CALN1: variants seen among roughly 807,000 people sequenced by gnomAD.
The protein encoded by CALN1 is calneuron 1, also known as calcium-binding protein 8.
A neutral mutation model predicts 30.6 loss-of-function variants in CALN1; 17 were observed. The observed-to-expected ratio is 0.56, with a 90% confidence interval of 0.38 to 0.83. CALN1 has a LOEUF of 0.83. Ranked by LOEUF, CALN1 falls within the 40% of genes least tolerant of loss-of-function variation. The pLI is 0.00. For synonymous variants in CALN1, 156 were observed against 131.4 expected (o/e 1.19, Z -1.28); for missense variants, 291 against 354.9 (o/e 0.82, Z 1.45).
At chr7:72,242,179 T>A (rs1794884405) in intron 3 of CALN1, among the ~76,000 whole-genome samples, 1 of 152,184 alleles carries the variant, frequency 6.6e-6, no homozygotes, top group Non-Finnish European at 1.5e-5. Context: ...ATCTTCAAGG[T>A]GCACCCATGC....
chr7:72,476,595 C>A, the CALN1 span, among the ~76,000 whole-genome samples: 1 of 152,204 alleles, frequency 6.6e-6, no homozygotes, highest in African/African-American at 2.4e-5. Context: ...ATACCCACAT[C>A]ATATCTCAAC....
intron 6 of CALN1, among the ~76,000 whole-genome samples, chr7:71,808,793 G>A (rs376755598): frequency 6.6e-6 from 1 of 152,132 alleles, no homozygotes; most frequent in South Asian, 2.1e-4. Context: ...GAGCGCTTGA[G>A]CCCCATGTGC....
At chr7:72,092,024 G>C (rs1563050305) in intron 4 of CALN1, among the ~76,000 whole-genome samples, 2 of 152,148 alleles carry the variant, frequency 1.3e-5, no homozygotes, top group Middle Eastern at 3.4e-3. Context: ...AGATATTCAA[G>C]TGCATTAATA....
chr7:72,154,650 G>A (rs1482111538), intron 3 of CALN1, among the ~76,000 whole-genome samples: 2 of 152,116 alleles, frequency 1.3e-5, no homozygotes, highest in African/African-American at 4.8e-5. Flanking sequence ...AAACTCAGAT[G>A]TTGAAGTCCT....
chr7:71,915,082 A>T (rs996985889), intron 5 of CALN1, among the ~76,000 whole-genome samples: 1 of 152,174 alleles, frequency 6.6e-6, no homozygotes, highest in Non-Finnish European at 1.5e-5. Flanking sequence ...TCACAAAGGG[A>T]TTAGTCTCTC....
At chr7:72,022,858 C>T (rs1800782134) in intron 5 of CALN1, among the ~76,000 whole-genome samples, 1 of 150,006 alleles carries the variant, frequency 6.7e-6, no homozygotes, top group African/African-American at 2.5e-5. Flanking sequence ...AACTGCAACC[C>T]TTATCTAGGT....
chr7:72,175,691 T>C (rs1251635412), intron 3 of CALN1, among the ~76,000 whole-genome samples: 2 of 152,218 alleles, frequency 1.3e-5, no homozygotes, highest in African/African-American at 4.8e-5. Context: ...ACCAGGGCTT[T>C]GGAGGAACTT....
intron 5 of CALN1, among the ~76,000 whole-genome samples, chr7:71,905,685 A>C (rs1794095443): frequency 6.6e-6 from 1 of 152,088 alleles, no homozygotes; most frequent in Admixed American, 6.5e-5. Flanking sequence ...CATGTCAGTA[A>C]AATGTTTAGG....
intron 2 of CALN1, among the ~76,000 whole-genome samples, chr7:72,294,977 C>A (rs1798753806): frequency 6.6e-6 from 1 of 152,040 alleles, no homozygotes; most frequent in African/African-American, 2.4e-5. Flanking sequence ...GACCACAGAG[C>A]AAACTTCAGC....
At chr7:72,260,243 A>T (rs1184257743) in intron 3 of CALN1, among the ~76,000 whole-genome samples, 1 of 152,218 alleles carries the variant, frequency 6.6e-6, no homozygotes, top group Non-Finnish European at 1.5e-5. Flanking sequence ...CTGTGCAGTG[A>T]TAAGAATAAG....
At chr7:72,238,343 C>CT (rs1350462702) in intron 3 of CALN1, among the ~76,000 whole-genome samples, 2 of 152,090 alleles carry the variant, frequency 1.3e-5, no homozygotes, top group Admixed American at 1.3e-4. Flanking sequence ...GAGCTGCTGG[C>CT]TTTATTCCCT....
chr7:71,825,959 G>A (rs529010111), intron 5 of CALN1, among the ~76,000 whole-genome samples: 1 of 148,414 alleles, frequency 6.7e-6, no homozygotes, highest in Non-Finnish European at 1.5e-5. Context: ...CTTGAACCTG[G>A]GTGGTGGAGG....
At chr7:72,216,104 A>G (rs1026956343) in intron 3 of CALN1, among the ~76,000 whole-genome samples, 3 of 152,018 alleles carry the variant, frequency 2.0e-5, no homozygotes, top group Non-Finnish European at 1.5e-5. Context: ...GACCCAACTA[A>G]CAAACTTGTT....
chr7:72,023,560 C>G lies in CALN1; in HGVS notation c.501+97G>C, dbSNP rs547435792. ...ATATGTCGCTCAGCCCAGAAGAGAT[C>G]TTCACGTGCCAAATAGAAGTTCAAG... On this transcript the variant is annotated intron_variant, in intron 5 of 6. Transcript: ENST00000395275. 46 of 846,428 alleles carry G rather than the reference C, an allele frequency of 5.4e-5. No homozygotes were observed. In the African/African-American group the frequency reaches 6.8e-4, roughly 13 times the overall value. 52.4% of individuals were successfully genotyped at this position (846,428 alleles called of 1,614,324 possible). A position where few individuals can be genotyped will look rare whatever the true frequency, so the allele number is the denominator to read the frequency against.
chr7:72,503,628 G>C, the CALN1 span, among the ~76,000 whole-genome samples: 1 of 151,852 alleles, frequency 6.6e-6, no homozygotes, highest in Non-Finnish European at 1.5e-5. Flanking sequence ...CCCAAATTTT[G>C]GTTTCTAGCC....
intron 3 of CALN1, among the ~76,000 whole-genome samples, chr7:72,272,059 CAA>C (rs36004477): frequency 1.2e-3 from 148 of 120,868 alleles, no homozygotes; most frequent in East Asian, 4.4e-3. Flanking sequence ...AAGATTCTGT[CAA>C]AAAAAAAAAA....
At chr7:71,859,295 T>G (rs1233597373) in intron 5 of CALN1, among the ~76,000 whole-genome samples, 1 of 152,156 alleles carries the variant, frequency 6.6e-6, no homozygotes, top group Admixed American at 6.5e-5. Flanking sequence ...ACTCCTGACC[T>G]CAAGCAATCT....
At chr7:72,448,171 C>T (rs1046148034), upstream of CALN1, among the ~76,000 whole-genome samples, 9 of 152,226 alleles carry the variant, frequency 5.9e-5, no homozygotes, top group Non-Finnish European at 1.2e-4. Context: ...TGCACACACA[C>T]CTACTTGCCC....
intron 3 of CALN1, among the ~76,000 whole-genome samples, chr7:72,114,049 C>A (rs2129541713): frequency 6.6e-6 from 1 of 151,446 alleles, no homozygotes; most frequent in East Asian, 2.0e-4. Context: ...TCAAGGAGAG[C>A]TCAGATGTCA....
Sources: allele counts gnomAD v4.1 joint callset (sites outside exome capture counted in the v4.1 genomes callset), GRCh38; gene constraint gnomAD v4.1.1; transcripts MANE v1.5; gene names NCBI Gene and HGNC (gene_info 2026-07-23, HGNC 2026-07-21).